The following ABCA13 variants were observed in gnomAD, a reference collection of about 807,000 sequenced individuals.
ABCA13 encodes the protein ATP binding cassette subfamily A member 13, also known as ATP-binding cassette sub-family A member 13.
ABCA13 carries 476 observed loss-of-function variants against 478.7 expected under a neutral mutation model. The ratio of observed to expected loss-of-function variants is 0.99; its 90% CI spans 0.92 to 1.07. The LOEUF is 1.07. ABCA13 is among the 50% of genes least tolerant of loss of function. ABCA13 has a pLI of 0.00. For synonymous variants in ABCA13, 2,252 were observed against 2,158.9 expected (o/e 1.04, Z -1.20); for missense variants, 6,060 against 5,910.6 (o/e 1.03, Z -0.83).
intron 25 of ABCA13, 150 bp from the exon 26 acceptor site, chr7:48,314,082 G>C: frequency 1.1e-6 from 1 of 930,312 alleles, no homozygotes; most frequent in Non-Finnish European, 1.6e-6. Flanking sequence ...GTATCCCAAG[G>C]ACAGAAAACT....
chr7:48,389,891 A>T (rs374352129), intron 37 of ABCA13, among the ~76,000 whole-genome samples: 452 of 152,380 alleles, frequency 3.0e-3, no homozygotes, highest in Non-Finnish European at 5.0e-3. Context: ...CTAAATATGT[A>T]GTATTAAAGT....
At chr7:48,290,802 T>C (rs1354760161) in intron 20 of ABCA13, among the ~76,000 whole-genome samples, 1 of 151,994 alleles carries the variant, frequency 6.6e-6, no homozygotes, top group Non-Finnish European at 1.5e-5. Flanking sequence ...GATACTCACC[T>C]GTATCTATTG....
rs1250601667 is a variant in ABCA13 at position 48,520,135 on chromosome 7, A to G, written c.13892A>G (p.Gln4631Arg). The change falls in exon 53 of 62, where the codon CAG (glutamine) becomes CGG (arginine). Residue 4631 changes from glutamine to arginine, a missense_variant. By Grantham distance (43) the Gln-to-Arg change is conservative. Transcript: ENST00000435803. ...GQGLVELCYN[Q>R]IKYDLTHNFG... Reference sequence around the variant, plus strand: ...GGACTGGTAGAACTCTGCTATAATCAGATCAAATATGACCTGACCCACAAC... The same window carrying G: ...GGACTGGTAGAACTCTGCTATAATCGGATCAAATATGACCTGACCCACAAC... 1 of 1,613,788 alleles carries G rather than the reference A, an allele frequency of 6.2e-7. No homozygotes were observed. Among genetic ancestry groups the G allele is most frequent in the East Asian group, 2.2e-5 (1 of 44,792 alleles).
intron 47 of ABCA13, among the ~76,000 whole-genome samples, chr7:48,486,806 G>A (rs1829348393): frequency 6.6e-6 from 1 of 152,082 alleles, no homozygotes; most frequent in Non-Finnish European, 1.5e-5. Context: ...GATGACAGTG[G>A]AGGTCTCAGC....
intron 27 of ABCA13, among the ~76,000 whole-genome samples, chr7:48,322,598 A>G (rs558771435): frequency 1.3e-5 from 2 of 152,270 alleles, no homozygotes; most frequent in South Asian, 4.1e-4. Flanking sequence ...TCCTACCTCC[A>G]GTTCCAGCTG....
intron 42 of ABCA13, 142 bp from the exon 43 acceptor site, chr7:48,454,895 C>A: frequency 8.2e-7 from 1 of 1,213,998 alleles, no homozygotes; most frequent in Non-Finnish European, 1.1e-6. Flanking sequence ...AGGGGACACT[C>A]AAGGGAGTCC....
At chr7:48,243,032 A>T (rs1212317260) in intron 10 of ABCA13, 2 of 151,194 alleles carry the variant, frequency 1.3e-5, no homozygotes, top group African/African-American at 4.9e-5. Context: ...CGGGTGGCTG[A>T]GGTGTGGGAG....
At chr7:48,206,718 A>G (rs1784975496) in intron 3 of ABCA13, among the ~76,000 whole-genome samples, 2 of 152,170 alleles carry the variant, frequency 1.3e-5, no homozygotes, top group African/African-American at 4.8e-5. Context: ...TGATACAAAT[A>G]CACAATGCAT....
chr7:48,425,813 T>TCA (rs1426985284), intron 41 of ABCA13, among the ~76,000 whole-genome samples: 3 of 152,276 alleles, frequency 2.0e-5, no homozygotes, highest in Non-Finnish European at 2.9e-5. Flanking sequence ...CAATCTCGGC[T>TCA]CACTGCAGGC....
intron 27 of ABCA13, among the ~76,000 whole-genome samples, chr7:48,322,561 C>T (rs992600132): frequency 9.9e-5 from 15 of 152,168 alleles, no homozygotes; most frequent in Non-Finnish European, 1.5e-5. Flanking sequence ...CTCTCCCTGT[C>T]CTCTCAATGC....
intron 56 of ABCA13, among the ~76,000 whole-genome samples, chr7:48,584,464 C>T (rs996736543): frequency 7.9e-5 from 12 of 152,162 alleles, no homozygotes; most frequent in African/African-American, 2.9e-4. Flanking sequence ...TCTCCAGGTA[C>T]ACTTGTTTTC....
chr7:48,466,197 C>A (rs1172155011), intron 43 of ABCA13, among the ~76,000 whole-genome samples: 1 of 152,126 alleles, frequency 6.6e-6, no homozygotes, highest in African/African-American at 2.4e-5. Flanking sequence ...TTTTTCTCTA[C>A]ATTTTCTCAA....
At chr7:48,496,449 TAA>T (rs1340531946) in intron 48 of ABCA13, among the ~76,000 whole-genome samples, 2 of 152,272 alleles carry the variant, frequency 1.3e-5, no homozygotes. Flanking sequence ...AATTCTTAGT[TAA>T]GTCACCAAAT....
chr7:48,265,329 C>G (rs1027798601), intron 15 of ABCA13, among the ~76,000 whole-genome samples: 1 of 151,314 alleles, frequency 6.6e-6, no homozygotes, highest in African/African-American at 2.4e-5. Flanking sequence ...CAAAATTATG[C>G]TGGAATTTTA....
chr7:48,345,214 C>A (rs746140438), intron 29 of ABCA13, among the ~76,000 whole-genome samples: 151 of 152,312 alleles, frequency 9.9e-4, no homozygotes, highest in Non-Finnish European at 1.9e-3. Context: ...CAATTATGTA[C>A]AGCACGTAAT....
At chr7:48,241,166 A>G in intron 10 of ABCA13, 100 bp downstream of exon 10, 1 of 1,355,628 alleles carries the variant, frequency 7.4e-7, no homozygotes, top group Non-Finnish European at 1.0e-6. Context: ...GTAAAACTAC[A>G]GCTAAATAAT....
intron 40 of ABCA13, among the ~76,000 whole-genome samples, chr7:48,411,044 T>TTTC (rs1819050188): frequency 2.0e-5 from 2 of 102,362 alleles, no homozygotes; most frequent in African/African-American, 3.5e-5. Context: ...TCTTTCTTTC[T>TTTC]TTCTTTTTCT....
intron 27 of ABCA13, 93 bp from the exon 28 acceptor site, chr7:48,335,329 C>G: frequency 1.2e-6 from 1 of 822,664 alleles, no homozygotes; most frequent in South Asian, 2.4e-5. Context: ...GATCTTTGCT[C>G]TGGTGGCCAC....
intron 56 of ABCA13, among the ~76,000 whole-genome samples, chr7:48,582,211 C>A (rs1415948096): frequency 3.3e-5 from 5 of 152,174 alleles, no homozygotes; most frequent in Non-Finnish European, 7.4e-5. Context: ...ACCATATAAA[C>A]CAGCTCCAGG....
Sources: gnomAD v4.1 joint callset for allele counts (sites outside exome capture counted in the v4.1 genomes callset) on GRCh38, gnomAD v4.1.1 for gene constraint, MANE v1.5 for transcripts, NCBI Gene and HGNC (gene_info 2026-07-23, HGNC 2026-07-21) for gene names.